CNTN5: variants seen among roughly 807,000 people sequenced by gnomAD.
The protein encoded by CNTN5 is contactin 5, also known as contactin-5.
A neutral mutation model predicts 129.1 loss-of-function variants in CNTN5; 77 were observed. The ratio of observed to expected loss-of-function variants is 0.60; its 90% CI spans 0.50 to 0.72. CNTN5 has a LOEUF of 0.72. Ranked by LOEUF, CNTN5 falls within the 30% of genes least tolerant of loss-of-function variation. The pLI is 0.00. For missense variants in CNTN5, 1,478 were observed against 1,328.8 expected (o/e 1.11, Z -1.75); for synonymous variants, 509 against 465.6 (o/e 1.09, Z -1.20).
At chr11:99,207,143 G>C (rs1159305728) in intron 1 of CNTN5, among the ~76,000 whole-genome samples, 2 of 152,000 alleles carry the variant, frequency 1.3e-5, no homozygotes, top group Non-Finnish European at 2.9e-5. Flanking sequence ...ATAATGACTT[G>C]TCAAAATCTG....
chr11:99,032,402 A>C (rs951296735), intron 1 of CNTN5, among the ~76,000 whole-genome samples: 4 of 149,606 alleles, frequency 2.7e-5, no homozygotes, highest in African/African-American at 9.9e-5. Flanking sequence ...AAGTGTTCCT[A>C]TTTCTCCACA....
intron 1 of CNTN5, among the ~76,000 whole-genome samples, chr11:99,189,753 T>A (rs957008129): frequency 3.3e-5 from 5 of 151,642 alleles, no homozygotes; most frequent in Non-Finnish European, 5.9e-5. Context: ...TTAATTAGGC[T>A]ATTCATTTTT....
chr11:100,287,222 G>A (rs1045944471), intron 18 of CNTN5, among the ~76,000 whole-genome samples: 4 of 152,136 alleles, frequency 2.6e-5, no homozygotes, highest in African/African-American at 9.7e-5. Context: ...ATCTAGCAAG[G>A]CAGGCCAACA....
At chr11:99,729,521 A>G (rs1943458871) in intron 3 of CNTN5, among the ~76,000 whole-genome samples, 1 of 152,048 alleles carries the variant, frequency 6.6e-6, no homozygotes, top group Non-Finnish European at 1.5e-5. Flanking sequence ...GAATTAGTAT[A>G]GCTATCTGTA....
intron 1 of CNTN5, among the ~76,000 whole-genome samples, chr11:99,178,304 G>A (rs1415222037): frequency 6.8e-6 from 1 of 147,560 alleles, no homozygotes; most frequent in Non-Finnish European, 1.5e-5. Flanking sequence ...AACAGAGTGA[G>A]ACCTCATCTC....
At chr11:99,245,510 G>A (rs1010860563) in intron 1 of CNTN5, among the ~76,000 whole-genome samples, 2 of 151,844 alleles carry the variant, frequency 1.3e-5, no homozygotes, top group African/African-American at 4.8e-5. Flanking sequence ...TATTAGAGAC[G>A]GGGTTTCACC....
chr11:100,201,945 A>T (rs1448066636), intron 15 of CNTN5, among the ~76,000 whole-genome samples: 1 of 151,984 alleles, frequency 6.6e-6, no homozygotes, highest in Admixed American at 6.6e-5. Flanking sequence ...TACAGGGGTG[A>T]TTATAAAGAC....
rs1952557919 is a variant in CNTN5, at chr11:100,357,775, A to T, written c.*1555A>T. The T allele has an allele frequency of 6.6e-6, 1 of 151,818 alleles. No individual in the cohort carries two copies. Among genetic ancestry groups the T allele is most frequent in the Non-Finnish European group, 1.5e-5 (1 of 67,804 alleles). 9.4% of individuals were successfully genotyped at this position (151,818 alleles called of 1,614,324 possible). A position where few individuals can be genotyped will look rare whatever the true frequency, so the allele number is the denominator to read the frequency against. On this transcript the variant is annotated 3_prime_UTR_variant, in exon 25 of 25. Coordinates refer to ENST00000524871, the MANE Select transcript of CNTN5 (RefSeq NM_014361.4). ...AGCTCTCAAGGTTAATCCTTGTAGAATCAGAGAAGTGATTGAAGTTTCTGT... is the reference window on the plus strand; with the variant it reads ...AGCTCTCAAGGTTAATCCTTGTAGATTCAGAGAAGTGATTGAAGTTTCTGT...
At chr11:99,086,207 C>T (rs1263606382) in intron 1 of CNTN5, among the ~76,000 whole-genome samples, 3 of 152,200 alleles carry the variant, frequency 2.0e-5, no homozygotes, top group Non-Finnish European at 4.4e-5. Context: ...CCCAGCAGCT[C>T]CCAAATGCAA....
intron 1 of CNTN5, among the ~76,000 whole-genome samples, chr11:99,164,154 T>C (rs557739872): frequency 2.0e-5 from 3 of 151,928 alleles, no homozygotes; most frequent in South Asian, 4.2e-4. Flanking sequence ...GGTGAAACCC[T>C]GTCTCTACTA....
At chr11:100,268,403 T>G (rs963328399) in intron 17 of CNTN5, among the ~76,000 whole-genome samples, 13 of 152,002 alleles carry the variant, frequency 8.6e-5, no homozygotes, top group African/African-American at 3.1e-4. Flanking sequence ...TAAGAAGTTG[T>G]GGAGAAGAGA....
In CNTN5 at chr11:99,684,446, A is replaced by G. The variant is rs142652775; in HGVS notation, c.55+128177A>G. Among the ~76,000 whole-genome samples, 450 of 151,976 alleles carry G rather than the reference A, an allele frequency of 3.0e-3. 6 individuals are homozygous for G. Among genetic ancestry groups the G allele is most frequent in the Non-Finnish European group, 3.7e-3 (253 of 67,820 alleles). On this transcript the variant is annotated intron_variant, in intron 3 of 24. Transcript: ENST00000524871. ...ACAAAGTTAAAATCCTTCTCTTCCA[A>G]TCTTACTTTGTGTGCATTCATTCAT...
At chr11:99,874,317 A>C (rs192074226) in intron 6 of CNTN5, among the ~76,000 whole-genome samples, 1 of 152,298 alleles carries the variant, frequency 6.6e-6, no homozygotes, top group Admixed American at 6.5e-5. Flanking sequence ...TGACTGAAGA[A>C]ATCCCCACAG....
intron 1 of CNTN5, among the ~76,000 whole-genome samples, chr11:99,268,236 G>A (rs1433865501): frequency 1.3e-5 from 2 of 151,922 alleles, no homozygotes; most frequent in Non-Finnish European, 2.9e-5. Flanking sequence ...TTAAAGAAAG[G>A]TGCCTAGAAG....
chr11:99,917,397 A>C (rs985399618), intron 7 of CNTN5, among the ~76,000 whole-genome samples: 1 of 152,126 alleles, frequency 6.6e-6, no homozygotes, highest in Non-Finnish European at 1.5e-5. Flanking sequence ...TTAATGGATA[A>C]GACAAAAATT....
intron 1 of CNTN5, among the ~76,000 whole-genome samples, chr11:99,223,491 A>G (rs1000094436): frequency 2.6e-5 from 4 of 152,174 alleles, no homozygotes; most frequent in African/African-American, 9.7e-5. Context: ...TAAAGTCAGT[A>G]GTAATAAACT....
Position 99,999,552 on chromosome 11 carries a change from C to G in CNTN5, c.878-2482C>G, listed in dbSNP as rs191213627. Among the ~76,000 whole-genome samples, 167 of 152,236 alleles carry G rather than the reference C, an allele frequency of 1.1e-3. 1 individual carries two copies. The highest frequency in any genetic ancestry group is 2.4e-3 in the Admixed American group (36 of 15,286). On this transcript the variant is annotated intron_variant, in intron 8 of 24. Transcript: ENST00000524871. ...GGAGAAACAGGAACACTTTTACACT[C>G]TTAGTGGGACTGTAAACTAGTTCAA...
intron 11 of CNTN5, 42 bp downstream of exon 11, chr11:100,070,602 C>T (rs369948899): frequency 7.5e-6 from 12 of 1,594,222 alleles, no homozygotes; most frequent in Admixed American, 1.7e-5. Flanking sequence ...GTAATTTTAG[C>T]GAGATTTCAC....
At chr11:99,202,134 C>T (rs1304788988) in intron 1 of CNTN5, among the ~76,000 whole-genome samples, 1 of 152,126 alleles carries the variant, frequency 6.6e-6, no homozygotes, top group Non-Finnish European at 1.5e-5. Flanking sequence ...AATCCATAGA[C>T]TTCTTTTGTA....
Sources: gnomAD v4.1 joint callset for allele counts (sites outside exome capture counted in the v4.1 genomes callset) on GRCh38, gnomAD v4.1.1 for gene constraint, MANE v1.5 for transcripts, NCBI Gene and HGNC (gene_info 2026-07-23, HGNC 2026-07-21) for gene names.